The following OLFM2 variants were observed in gnomAD, a reference collection of about 807,000 sequenced individuals.
OLFM2 encodes the protein olfactomedin 2.
OLFM2 carries 20 observed loss-of-function variants against 43.9 expected under a neutral mutation model. The observed-to-expected ratio is 0.46, with a 90% confidence interval of 0.32 to 0.66. OLFM2 has a LOEUF of 0.66. OLFM2 is among the 30% of genes least tolerant of loss of function. The probability of loss-of-function intolerance (pLI) is 0.04; values close to 1 mark genes in which losing one functional copy is unlikely to be tolerated. For synonymous variants in OLFM2, 268 were observed against 278.6 expected, an observed-to-expected ratio of 0.96 and a Z score of 0.38; for missense variants, 416 against 643.6, an observed-to-expected ratio of 0.65 and a Z score of 3.83.
At chr19:9,930,573 C>T (rs751616907) in intron 1 of OLFM2, among the ~76,000 whole-genome samples, 6 of 151,332 alleles carry the variant, frequency 4.0e-5, no homozygotes, top group South Asian at 4.2e-4. Flanking sequence ...GGCCCGGCAC[C>T]GTGGCTCACG....
chr19:9,901,648 C>A (rs947329642), intron 1 of OLFM2, among the ~76,000 whole-genome samples: 20 of 152,158 alleles, frequency 1.3e-4, no homozygotes, highest in Middle Eastern at 3.4e-3. Flanking sequence ...CTCGCTTTGC[C>A]AGGAGTTCAG....
intron 1 of OLFM2, among the ~76,000 whole-genome samples, chr19:9,886,005 G>T (rs372548444): frequency 6.6e-6 from 1 of 151,868 alleles, no homozygotes; most frequent in Admixed American, 6.6e-5. Flanking sequence ...GCTGAGGTGG[G>T]AGGATTGCTA....
chr19:9,913,636 C>G, intron 1 of OLFM2: 1 of 1,260,472 alleles, frequency 7.9e-7, no homozygotes, highest in Non-Finnish European at 1.0e-6. Flanking sequence ...CGCCTCATGC[C>G]CCGCGGCCGC....
chr19:9,878,129 C>A (rs1017627498), intron 1 of OLFM2, among the ~76,000 whole-genome samples: 1 of 152,140 alleles, frequency 6.6e-6, no homozygotes, highest in Non-Finnish European at 1.5e-5. Flanking sequence ...GGATTACAGG[C>A]GTGAGCCACC....
At chr19:9,873,170 T>A (rs1370268727) in intron 1 of OLFM2, among the ~76,000 whole-genome samples, 1 of 152,130 alleles carries the variant, frequency 6.6e-6, no homozygotes, top group Non-Finnish European at 1.5e-5. Context: ...TCCTTCAGGG[T>A]CTCACTCTGC....
At chr19:9,912,789 G>T (rs1361436679) in intron 1 of OLFM2, among the ~76,000 whole-genome samples, 1 of 151,988 alleles carries the variant, frequency 6.6e-6, no homozygotes, top group Non-Finnish European at 1.5e-5. Flanking sequence ...ACCTCCCAGG[G>T]AGGGTGAGTT....
chr19:9,884,778 C>T lies in OLFM2; in HGVS notation c.64-23984G>A, dbSNP rs28693485. Among the ~76,000 whole-genome samples the T allele has an allele frequency of 8.4e-3, 1,282 of 152,238 alleles. 12 individuals carry two copies. Among genetic ancestry groups the T allele is most frequent in the African/African-American group, 0.03 (1,230 of 41,548 alleles). ...CCTTGCATGGTGGGTGTCTGCATGC[C>T]CCATTAGGATGTGAGCTCCAAAAGG... On this transcript the variant is annotated intron_variant, in intron 1 of 5. Coordinates refer to ENST00000264833, the MANE Select transcript of OLFM2 (RefSeq NM_058164.4).
At chr19:9,867,964 T>C (rs1235671814) in intron 1 of OLFM2, among the ~76,000 whole-genome samples, 1 of 152,050 alleles carries the variant, frequency 6.6e-6, no homozygotes, top group Non-Finnish European at 1.5e-5. Context: ...TACAGTGGCA[T>C]GATCATAGCT....
rs2145429813 is a variant in OLFM2 at position 9,857,005 on chromosome 19, A to G, written c.581-92T>C. 4 of 1,117,730 alleles carry G rather than the reference A, an allele frequency of 3.6e-6. No homozygotes were observed. Among genetic ancestry groups the G allele is most frequent in the South Asian group, 2.7e-5 (2 of 74,076 alleles). 69.2% of individuals were successfully genotyped at this position (1,117,730 alleles called of 1,614,324 possible). On this transcript the variant is annotated intron_variant, in intron 4 of 5. Coordinates refer to ENST00000264833, the MANE Select transcript of OLFM2 (RefSeq NM_058164.4). This position sits in a 1 kb window ranked among gnomAD's most constrained non-coding sequence, Gnocchi z 5.7. ...TGAAGTGCTGTGATCAAGTTGGGAA[A>G]GCTGGGACCAGGGATGAGGGAAGAC...
intron 1 of OLFM2, among the ~76,000 whole-genome samples, chr19:9,926,100 G>A (rs1270497792): frequency 6.6e-6 from 1 of 151,988 alleles, no homozygotes; most frequent in Non-Finnish European, 1.5e-5. Context: ...TGGTGCCACT[G>A]CACTCCAGCC....
chr19:9,909,625 C>A (rs1190912711), intron 1 of OLFM2, among the ~76,000 whole-genome samples: 1 of 152,212 alleles, frequency 6.6e-6, no homozygotes, highest in Non-Finnish European at 1.5e-5. Context: ...CAGCATCCAA[C>A]CTTCCGCCTC....
At chr19:9,906,587 G>A (rs2046787555) in intron 1 of OLFM2, among the ~76,000 whole-genome samples, 1 of 152,096 alleles carries the variant, frequency 6.6e-6, no homozygotes, top group Admixed American at 6.6e-5. Context: ...AGAGAGATTA[G>A]GCAAGGGGAG....
At chr19:9,894,373 T>C in intron 1 of OLFM2, among the ~76,000 whole-genome samples, 1 of 101,110 alleles carries the variant, frequency 9.9e-6, no homozygotes, top group South Asian at 3.3e-4. Flanking sequence ...TGAGACTCTC[T>C]CTCAATAATA....
chr19:9,917,823 C>T (rs1457843450), intron 1 of OLFM2, among the ~76,000 whole-genome samples: 1 of 152,068 alleles, frequency 6.6e-6, no homozygotes, highest in Non-Finnish European at 1.5e-5. Flanking sequence ...CTGGCCACCT[C>T]ATCTACAATC....
At chr19:9,867,811 T>G (rs1233006073) in intron 1 of OLFM2, among the ~76,000 whole-genome samples, 2 of 152,190 alleles carry the variant, frequency 1.3e-5, no homozygotes, top group African/African-American at 4.8e-5. Flanking sequence ...GTGGACAGCA[T>G]CTGATTGTTG....
At chr19:9,898,186 C>T (rs1032507478) in intron 1 of OLFM2, among the ~76,000 whole-genome samples, 1 of 146,068 alleles carries the variant, frequency 6.8e-6, no homozygotes, top group African/African-American at 2.5e-5. Flanking sequence ...GCTGGGATTA[C>T]AGGCATGAGC....
intron 2 of OLFM2, chr19:9,858,185 A>G: frequency 2.4e-6 from 1 of 420,912 alleles, no homozygotes; most frequent in South Asian, 2.1e-5. Flanking sequence ...CAGAGATTAG[A>G]TCACCTTCCT....
chr19:9,917,676 C>G (rs535874775), intron 1 of OLFM2, among the ~76,000 whole-genome samples: 2 of 152,276 alleles, frequency 1.3e-5, no homozygotes, highest in East Asian at 1.9e-4. Context: ...ATTTCCTCAT[C>G]ATCCCATGTG....
chr19:9,905,582 G>A (rs955343703), intron 1 of OLFM2, among the ~76,000 whole-genome samples: 19 of 149,270 alleles, frequency 1.3e-4, no homozygotes, highest in South Asian at 4.2e-4. Context: ...TGGAGGTTGC[G>A]CCACTGCACT....
Sources: allele counts gnomAD v4.1 joint callset (sites outside exome capture counted in the v4.1 genomes callset), GRCh38; gene constraint gnomAD v4.1.1; non-coding constraint Gnocchi (gnomAD v3.1); transcripts MANE v1.5; gene names NCBI Gene and HGNC (gene_info 2026-07-23, HGNC 2026-07-21).